The following ABCG2 variants were observed in gnomAD, a reference collection of about 807,000 sequenced individuals.
ABCG2 encodes the protein broad substrate specificity ATP-binding cassette transporter ABCG2.
In ABCG2, 80 loss-of-function variants were observed where a neutral mutation model predicts 73.5. The ratio of observed to expected loss-of-function variants is 1.09; its 90% CI spans 0.91 to 1.31. ABCG2 has a LOEUF of 1.31. Among genes scored for constraint, ABCG2 ranks in the 50% most tolerant of loss-of-function variants. The probability of loss-of-function intolerance (pLI) is 0.00; values close to 1 mark genes in which losing one functional copy is unlikely to be tolerated. For missense variants in ABCG2, 796 were observed against 786.2 expected, an observed-to-expected ratio of 1.01 and a Z score of -0.15; for synonymous variants, 269 against 282.4, an observed-to-expected ratio of 0.95 and a Z score of 0.48.
intron 1 of ABCG2, among the ~76,000 whole-genome samples, chr4:88,208,545 CAAGT>C (rs1729465733): frequency 6.6e-6 from 1 of 152,170 alleles, no homozygotes; most frequent in Middle Eastern, 3.2e-3. Flanking sequence ...GGAAAGAAAG[CAAGT>C]GTGTGACCCA....
chr4:88,123,507 C>T (rs186083115), intron 5 of ABCG2, among the ~76,000 whole-genome samples: 16 of 151,910 alleles, frequency 1.1e-4, no homozygotes, highest in African/African-American at 2.9e-4. Flanking sequence ...ACAAGAACTT[C>T]GTGAAGCAAA....
intron 1 of ABCG2, among the ~76,000 whole-genome samples, chr4:88,228,173 C>G (rs999687414): frequency 1.1e-4 from 17 of 152,192 alleles, no homozygotes; most frequent in African/African-American, 4.1e-4. Context: ...TTTCCCTTCT[C>G]CTGTTCAGGA....
chr4:88,127,489 AG>A (rs1483197715), intron 5 of ABCG2, among the ~76,000 whole-genome samples: 1 of 152,208 alleles, frequency 6.6e-6, no homozygotes, highest in African/African-American at 2.4e-5. Context: ...AAAAGAACAA[AG>A]CTGGAGGCAT....
intron 1 of ABCG2, among the ~76,000 whole-genome samples, chr4:88,194,342 A>G (rs1728841330): frequency 1.3e-5 from 2 of 151,738 alleles, no homozygotes; most frequent in South Asian, 2.1e-4. Context: ...CGAGGTCAGG[A>G]GATAAAGACC....
At chr4:88,118,322 A>AATACT in intron 6 of ABCG2, 62 bp from the exon 7 acceptor site, 1 of 1,552,736 alleles carries the variant, frequency 6.4e-7, no homozygotes, top group Non-Finnish European at 8.8e-7. Context: ...TTCTCAGTAA[A>AATACT]ATACTCTATT....
At chr4:88,159,429 C>G (rs191119591), upstream of ABCG2, 29 of 347,190 alleles carry the variant, frequency 8.4e-5, no homozygotes, top group Admixed American at 2.8e-4. Context: ...GAGAAACTTA[C>G]TGAATGAAAA....
intron 5 of ABCG2, among the ~76,000 whole-genome samples, chr4:88,127,888 C>A: frequency 7.0e-6 from 1 of 142,126 alleles, no homozygotes; most frequent in South Asian, 2.2e-4. Context: ...AAGGCAATTG[C>A]AACAAAAGCC....
intron 9 of ABCG2, among the ~76,000 whole-genome samples, chr4:88,107,758 A>AC (rs1722855951): frequency 6.6e-6 from 1 of 152,260 alleles, no homozygotes; most frequent in African/African-American, 2.4e-5. Context: ...AACATTAAAA[A>AC]TAAATAAAAA....
intron 1 of ABCG2, among the ~76,000 whole-genome samples, chr4:88,182,966 T>C (rs941032522): frequency 6.6e-6 from 1 of 151,572 alleles, no homozygotes; most frequent in Non-Finnish European, 1.5e-5. Context: ...GCACCTGTAG[T>C]CCCAGCTACT....
At chr4:88,139,474 C>T (rs533413314) in intron 2 of ABCG2, among the ~76,000 whole-genome samples, 36 of 152,206 alleles carry the variant, frequency 2.4e-4, no homozygotes, top group Admixed American at 7.9e-4. Context: ...AGGATGTTCT[C>T]GATCTCTTGA....
At chr4:88,143,190 G>A (rs967702898) in intron 1 of ABCG2, among the ~76,000 whole-genome samples, 3 of 152,140 alleles carry the variant, frequency 2.0e-5, no homozygotes, top group Non-Finnish European at 4.4e-5. Flanking sequence ...GTGGATTTGG[G>A]TGTCTGAGGG....
chr4:88,125,607 C>CAAAAAAAAAAAAAAAAAA (rs70957302), intron 5 of ABCG2, among the ~76,000 whole-genome samples: 3 of 34,982 alleles, frequency 8.6e-5, no homozygotes, highest in African/African-American at 2.1e-4. Context: ...GACTCTGTCT[C>CAAAAAAAAAAAAAAAAAA]AAAAAAAAAA....
intron 10 of ABCG2, among the ~76,000 whole-genome samples, chr4:88,105,972 A>AC (rs1385868003): frequency 1.3e-5 from 2 of 152,330 alleles, no homozygotes; most frequent in East Asian, 3.9e-4. Context: ...ATATGGAGAA[A>AC]CTGGAACCCT....
intron 1 of ABCG2, among the ~76,000 whole-genome samples, chr4:88,198,911 A>G (rs1729040561): frequency 1.3e-5 from 2 of 152,044 alleles, no homozygotes. Context: ...AAATACAGAA[A>G]GAGAGAAAGG....
Position 88,099,357 on chromosome 4 carries a change from T to C in ABCG2, c.1459A>G (p.Ile487Val), listed in dbSNP as rs1722232406. Residue 487 changes from isoleucine to valine, a missense_variant, in exon 12 of 16, where the codon ATT (isoleucine) becomes GTT (valine). Physicochemically the swap from Ile to Val is conservative, Grantham distance 29 (BLOSUM62 3). Coordinates refer to ENST00000237612, the MANE Select transcript of ABCG2 (RefSeq NM_004827.3). ...AAGTACACTATACAGGTAAATATAA[T>C]ACTTGGTAACATCCTCATGGGTAAT... ...DLLPMRMLPS[I>V]IFTCIVYFML... is the part of the protein sequence containing the mutation. 6 of 1,611,422 alleles carry C rather than the reference T, an allele frequency of 3.7e-6. No individual in the cohort carries two copies. Among genetic ancestry groups the C allele is most frequent in the African/African-American group, 2.7e-5 (2 of 74,854 alleles).
intron 10 of ABCG2, among the ~76,000 whole-genome samples, chr4:88,105,370 C>T (rs1722703602): frequency 1.3e-5 from 2 of 152,166 alleles, no homozygotes; most frequent in Admixed American, 1.3e-4. Context: ...TAACCTGAGA[C>T]TATGGACAGC....
At chr4:88,099,001 T>C (rs888704787) in intron 12 of ABCG2, among the ~76,000 whole-genome samples, 2 of 151,914 alleles carry the variant, frequency 1.3e-5, no homozygotes, top group Admixed American at 6.6e-5. Context: ...GAGGCTGAGG[T>C]AGGAGGATCA....
At chr4:88,164,959 G>C (rs1195989367) in intron 1 of ABCG2, among the ~76,000 whole-genome samples, 1 of 124,632 alleles carries the variant, frequency 8.0e-6, no homozygotes, top group East Asian at 3.5e-4. Context: ...TGTATTTTTA[G>C]TAGAGATGGG....
chr4:88,208,113 T>C (rs1260161730), intron 1 of ABCG2, among the ~76,000 whole-genome samples: 1 of 152,240 alleles, frequency 6.6e-6, no homozygotes, highest in Non-Finnish European at 1.5e-5. Flanking sequence ...CATTAAACAT[T>C]TCCAAATACT....
Sources: gnomAD v4.1 joint callset for allele counts (sites outside exome capture counted in the v4.1 genomes callset) on GRCh38, gnomAD v4.1.1 for gene constraint, MANE v1.5 for transcripts, NCBI Gene and HGNC (gene_info 2026-07-23, HGNC 2026-07-21) for gene names.